Variants in HDAC9 observed in about 807,000 individuals in gnomAD.
HDAC9 encodes MEF-2 interacting transcription repressor (MITR) protein.
In HDAC9, 41 loss-of-function variants were observed where a neutral mutation model predicts 139.4. The ratio of observed to expected loss-of-function variants is 0.29; its 90% CI spans 0.23 to 0.38. The LOEUF (loss-of-function observed/expected upper bound fraction) is 0.38. Among genes scored for constraint, HDAC9 ranks in the 10% least tolerant of loss-of-function variants. The pLI, the probability that HDAC9 is intolerant of heterozygous loss-of-function variation, is 1.00. For synonymous variants in HDAC9, 517 were observed against 476.2 expected, an observed-to-expected ratio of 1.09 and a Z score of -1.12; for missense variants, 1,147 against 1,297.0, an observed-to-expected ratio of 0.88 and a Z score of 1.78.
chr7:18,813,810 G>A (rs1794366356), intron 17 of HDAC9, among the ~76,000 whole-genome samples: 1 of 152,146 alleles, frequency 6.6e-6, no homozygotes, highest in Non-Finnish European at 1.5e-5. Context: ...TAAAAACTTT[G>A]GGTGAAGTAA....
At chr7:18,227,606 G>A (rs302153) in intron 2 of HDAC9, among the ~76,000 whole-genome samples, 116,611 of 152,020 alleles carry the variant, frequency 0.77, 44,782 homozygotes, top group South Asian at 0.87. Flanking sequence ...ACCATGTCTG[G>A]TAAAACCCTT....
At position 18,579,791 on chromosome 7, in the gene HDAC9, CTG is replaced by C. The variant is rs3084516; in HGVS notation, c.23-5474_23-5473del. On this transcript the variant is annotated intron_variant, in intron 2 of 25. Coordinates refer to ENST00000686413, the MANE Select transcript of HDAC9 (RefSeq NM_178425.4). ...ATTTGTGTTGAGAGTTTTTCCATGC[CTG>C]TGTGTGTGTGTGTGTATGTGTGTGT... Among the ~76,000 whole-genome samples, 117 of 150,092 alleles carry C rather than the reference CTG, an allele frequency of 7.8e-4. 1 individual carries two copies. The East Asian group carries it at 0.02, about 26-fold the overall frequency.
intron 2 of HDAC9, among the ~76,000 whole-genome samples, chr7:18,567,955 C>G (rs1440338465): frequency 2.0e-5 from 3 of 148,882 alleles, no homozygotes; most frequent in African/African-American, 7.4e-5. Flanking sequence ...TTTGCAAAAC[C>G]CATTCCAATG....
At chr7:18,091,566 A>G (rs1782148363) in intron 1 of HDAC9, among the ~76,000 whole-genome samples, 1 of 152,246 alleles carries the variant, frequency 6.6e-6, no homozygotes. Context: ...AATTTATTAG[A>G]GGATATTGAC....
chr7:18,711,167 A>G (rs1253600943), intron 12 of HDAC9, among the ~76,000 whole-genome samples: 1 of 152,208 alleles, frequency 6.6e-6, no homozygotes, highest in Non-Finnish European at 1.5e-5. Flanking sequence ...AATTCAAAAG[A>G]TGGGGCAACT....
intron 2 of HDAC9, among the ~76,000 whole-genome samples, chr7:18,186,626 G>T (rs981676607): frequency 3.3e-5 from 5 of 152,214 alleles, no homozygotes; most frequent in African/African-American, 1.2e-4. Flanking sequence ...AGGAAAATTT[G>T]TGGTCAGAAG....
intron 2 of HDAC9, among the ~76,000 whole-genome samples, chr7:18,164,281 GAAAATGTTCCTGCCACAAACATAAAAA>G (rs1787851977): frequency 6.6e-6 from 1 of 151,782 alleles, no homozygotes; most frequent in African/African-American, 2.4e-5. Flanking sequence ...ATGGATAAAG[GAAAATGTTCCTGCCACAAACATAAAAA>G]AAAATTTTCT....
chr7:18,749,264 C>T (rs1788243067), intron 14 of HDAC9, 126 bp downstream of exon 14: 1 of 1,022,412 alleles, frequency 9.8e-7, no homozygotes, highest in Non-Finnish European at 1.4e-6. Flanking sequence ...GATGAACCAT[C>T]ATAGATTCAG....
At chr7:18,587,600 G>A (rs1339400832) in intron 3 of HDAC9, among the ~76,000 whole-genome samples, 1 of 152,080 alleles carries the variant, frequency 6.6e-6, no homozygotes, top group Non-Finnish European at 1.5e-5. Flanking sequence ...AACATTTGTT[G>A]AGTTAGATGC....
At chr7:18,694,489 G>A (rs796096487) in intron 12 of HDAC9, among the ~76,000 whole-genome samples, 17 of 152,134 alleles carry the variant, frequency 1.1e-4, no homozygotes, top group African/African-American at 4.1e-4. Context: ...GGCAAGAAAT[G>A]GTCAAGAACT....
At chr7:18,659,580 G>A (rs537360006) in intron 11 of HDAC9, among the ~76,000 whole-genome samples, 6 of 152,196 alleles carry the variant, frequency 3.9e-5, no homozygotes, top group East Asian at 1.9e-4. Context: ...TAGGCTGCCC[G>A]TGGCATGCTT....
At chr7:18,272,407 G>A (rs1796410509) in intron 2 of HDAC9, among the ~76,000 whole-genome samples, 1 of 152,054 alleles carries the variant, frequency 6.6e-6, no homozygotes, top group South Asian at 2.1e-4. Context: ...GTAGGATGTA[G>A]GGATAATTTT....
intron 17 of HDAC9, among the ~76,000 whole-genome samples, chr7:18,822,014 G>T (rs937904551): frequency 6.6e-6 from 1 of 151,058 alleles, no homozygotes; most frequent in Non-Finnish European, 1.5e-5. Context: ...CTCCAAGTGT[G>T]CCACCCTTGC....
At chr7:18,507,964 T>C (rs1800318468) in intron 2 of HDAC9, among the ~76,000 whole-genome samples, 1 of 151,980 alleles carries the variant, frequency 6.6e-6, no homozygotes, top group Non-Finnish European at 1.5e-5. Flanking sequence ...AATGAGCGGG[T>C]CGAAGACTTT....
At chr7:18,657,192 G>A (rs1306218928) in intron 11 of HDAC9, among the ~76,000 whole-genome samples, 1 of 152,000 alleles carries the variant, frequency 6.6e-6, no homozygotes, top group Non-Finnish European at 1.5e-5. Flanking sequence ...TTGTCAGAGG[G>A]GTAATTTGCA....
chr7:18,320,866 A>T (rs1009428431), intron 1 of HDAC9, among the ~76,000 whole-genome samples: 1 of 152,200 alleles, frequency 6.6e-6, no homozygotes, highest in African/African-American at 2.4e-5. Flanking sequence ...TGTGACCTCA[A>T]GCAGTCCCAT....
At chr7:18,819,222 G>GTGAGC (rs1397674261) in intron 17 of HDAC9, among the ~76,000 whole-genome samples, 1 of 152,184 alleles carries the variant, frequency 6.6e-6, no homozygotes, top group African/African-American at 2.4e-5. Context: ...GGAGGTTGCA[G>GTGAGC]TGAGCTGAGA....
intron 2 of HDAC9, among the ~76,000 whole-genome samples, chr7:18,228,564 G>A (rs1793228511): frequency 6.6e-6 from 1 of 152,126 alleles, no homozygotes; most frequent in South Asian, 2.1e-4. Flanking sequence ...AGGCCATGGG[G>A]TGAGACCAAG....
rs540309386 is a variant in HDAC9, at chr7:18,461,127, C to T, written c.-41-35135C>T. Reference sequence around the variant, plus strand: ...GTATGTGTACGTGTGCATGCGTATACATACATACACACATATATTTCTCTC... The same window carrying T: ...GTATGTGTACGTGTGCATGCGTATATATACATACACACATATATTTCTCTC... On this transcript the variant is annotated intron_variant, in intron 1 of 3. Coordinates refer to the HDAC9 transcript ENST00000413509. Among the ~76,000 whole-genome samples, 3 of 152,206 alleles carry T rather than the reference C, an allele frequency of 2.0e-5. No individual in the cohort carries two copies. In the South Asian group the frequency reaches 6.2e-4, roughly 32 times the overall value.
Sources: allele counts gnomAD v4.1 joint callset (sites outside exome capture counted in the v4.1 genomes callset), GRCh38; gene constraint gnomAD v4.1.1; transcripts MANE v1.5; gene names NCBI Gene and HGNC (gene_info 2026-07-23, HGNC 2026-07-21).